Variants in SAMD12 observed in about 807,000 individuals in gnomAD.
The protein encoded by SAMD12 is sterile alpha motif domain-containing protein 12.
A neutral mutation model predicts 15.0 loss-of-function variants in SAMD12; 9 were observed. The observed-to-expected ratio is 0.60, with a 90% CI of 0.36 to 1.05. The LOEUF (loss-of-function observed/expected upper bound fraction) is 1.05, where lower values mean the gene tolerates loss of function less well. Ranked by LOEUF, SAMD12 falls within the 50% of genes least tolerant of loss-of-function variation. SAMD12 has a pLI of 0.01. For missense variants in SAMD12, 230 were observed against 234.2 expected, an observed-to-expected ratio of 0.98 and a Z score of 0.12; for synonymous variants, 86 against 90.1, an observed-to-expected ratio of 0.96 and a Z score of 0.25.
chr8:118,515,175 C>T (rs577478383), intron 2 of SAMD12, among the ~76,000 whole-genome samples: 16 of 144,024 alleles, frequency 1.1e-4, no homozygotes, highest in South Asian at 9.2e-4. Context: ...CCCGCCACCA[C>T]GCCCAGCTAA....
At chr8:118,511,992 C>T (rs948881225) in intron 2 of SAMD12, among the ~76,000 whole-genome samples, 1 of 152,146 alleles carries the variant, frequency 6.6e-6, no homozygotes, top group Non-Finnish European at 1.5e-5. Flanking sequence ...ATCAATCAAT[C>T]AATCAGTAGT....
At chr8:118,329,170 GAAGGAA>G (rs1200056956) in intron 4 of SAMD12, among the ~76,000 whole-genome samples, 1 of 152,088 alleles carries the variant, frequency 6.6e-6, no homozygotes, top group East Asian at 1.9e-4. Flanking sequence ...TAGATGAGTG[GAAGGAA>G]CATGGTACTC....
At chr8:118,409,916 A>G (rs1821325539) in intron 3 of SAMD12, among the ~76,000 whole-genome samples, 1 of 151,966 alleles carries the variant, frequency 6.6e-6, no homozygotes, top group Non-Finnish European at 1.5e-5. Context: ...ATTCAAAATT[A>G]TCAAGAAAGA....
At chr8:118,455,452 T>C (rs1034266994) in intron 2 of SAMD12, among the ~76,000 whole-genome samples, 8 of 152,236 alleles carry the variant, frequency 5.3e-5, no homozygotes, top group Admixed American at 3.3e-4. Flanking sequence ...CTTCTTTCTT[T>C]GTCCCACCTT....
At chr8:118,421,335 G>A (rs1821987669) in intron 3 of SAMD12, among the ~76,000 whole-genome samples, 1 of 152,114 alleles carries the variant, frequency 6.6e-6, no homozygotes. Context: ...TAATGAAACT[G>A]CCATTTTTGC....
chr8:118,548,250 A>T (rs1826187343), intron 2 of SAMD12, among the ~76,000 whole-genome samples: 1 of 152,206 alleles, frequency 6.6e-6, no homozygotes, highest in Non-Finnish European at 1.5e-5. Flanking sequence ...ATTTTAAAAG[A>T]TACCCTTTTA....
intron 4 of SAMD12, among the ~76,000 whole-genome samples, chr8:118,350,517 G>C (rs1256628647): frequency 6.6e-6 from 1 of 152,076 alleles, no homozygotes; most frequent in African/African-American, 2.4e-5. Context: ...CTACTTCCTG[G>C]TGTGTATTTT....
chr8:118,308,639 G>A (rs1403231113), intron 4 of SAMD12, among the ~76,000 whole-genome samples: 3 of 151,894 alleles, frequency 2.0e-5, no homozygotes, highest in Non-Finnish European at 4.4e-5. Context: ...TCGAAAAGTC[G>A]ATGTTACTTA....
intron 2 of SAMD12, among the ~76,000 whole-genome samples, chr8:118,532,672 T>C (rs1331804136): frequency 6.6e-6 from 1 of 152,134 alleles, no homozygotes. Flanking sequence ...CTTGGGAGGG[T>C]GTATGTGTCC....
chr8:118,611,755 T>C (rs1233410272), intron 1 of SAMD12, among the ~76,000 whole-genome samples: 1 of 152,232 alleles, frequency 6.6e-6, no homozygotes, highest in Non-Finnish European at 1.5e-5. Context: ...AGTTCTGTAG[T>C]ATTTGAATTT....
At chr8:118,192,137 C>A (rs2129734321) in exon 5 of SAMD12, 1 of 151,446 alleles carries the variant, frequency 6.6e-6, no homozygotes, top group Non-Finnish European at 1.5e-5. Flanking sequence ...GTTATCCTAC[C>A]CTAAGTGAAA....
chr8:118,360,839 C>T (rs917824052), intron 4 of SAMD12, among the ~76,000 whole-genome samples: 5 of 152,116 alleles, frequency 3.3e-5, no homozygotes, highest in African/African-American at 7.2e-5. Context: ...AATATTACCC[C>T]TTTCAGTATG....
chr8:118,505,351 T>G (rs1013516071), intron 2 of SAMD12, among the ~76,000 whole-genome samples: 1 of 151,824 alleles, frequency 6.6e-6, no homozygotes, highest in Non-Finnish European at 1.5e-5. Context: ...CTCTTTTTTT[T>G]TTTTTTTTTC....
At chr8:118,178,953 A>G in the SAMD12 span, among the ~76,000 whole-genome samples, 3,696 of 152,180 alleles carry the variant, frequency 0.024, 127 homozygotes, top group East Asian at 0.11. Context: ...GTAGCCTTGG[A>G]TGCTCAGAAG....
chr8:118,528,559 G>A (rs192384159), intron 2 of SAMD12, among the ~76,000 whole-genome samples: 3 of 152,296 alleles, frequency 2.0e-5, no homozygotes, highest in Non-Finnish European at 2.9e-5. Context: ...GTTGATACAT[G>A]TATATTTTTT....
intron 4 of SAMD12, among the ~76,000 whole-genome samples, chr8:118,205,189 T>C (rs1819827802): frequency 6.6e-6 from 1 of 152,272 alleles, no homozygotes; most frequent in Non-Finnish European, 1.5e-5. Flanking sequence ...AACCATACCG[T>C]TGGCTCTCCT....
intron 3 of SAMD12, 40 bp from the exon 4 acceptor site, chr8:118,379,740 T>A: frequency 6.3e-7 from 1 of 1,594,606 alleles, no homozygotes. Flanking sequence ...GCAAATGAAC[T>A]ACTTGCTGAA....
At chr8:118,180,698 G>A in the SAMD12 span, among the ~76,000 whole-genome samples, 13 of 151,858 alleles carry the variant, frequency 8.6e-5, no homozygotes, top group African/African-American at 2.9e-4. Context: ...TCCGCCTCCC[G>A]AGTAGCTGGG....
chr8:118,489,169 T>C (rs1023774389), intron 2 of SAMD12, among the ~76,000 whole-genome samples: 14 of 152,198 alleles, frequency 9.2e-5, no homozygotes, highest in African/African-American at 3.4e-4. Context: ...TCAAATCTTT[T>C]GACTATTCTT....
Sources: gnomAD v4.1 joint callset for allele counts (sites outside exome capture counted in the v4.1 genomes callset) on GRCh38, gnomAD v4.1.1 for gene constraint, MANE v1.5 for transcripts, NCBI Gene and HGNC (gene_info 2026-07-23, HGNC 2026-07-21) for gene names.